GLIS3: variants seen among roughly 807,000 people sequenced by gnomAD.
GLIS3 encodes zinc finger protein GLIS3.
GLIS3 carries 53 observed loss-of-function variants against 78.6 expected under a neutral mutation model. The observed-to-expected ratio is 0.67, with a 90% CI of 0.54 to 0.85. The LOEUF is 0.85. Among genes scored for constraint, GLIS3 ranks in the 40% least tolerant of loss-of-function variants. GLIS3 has a pLI of 0.00. For missense variants in GLIS3, 1,703 were observed against 1,231.1 expected (o/e 1.38, Z -5.74); for synonymous variants, 684 against 509.9 (o/e 1.34, Z -4.60).
chr9:3,874,264 A>C (rs10758512), intron 8 of GLIS3, among the ~76,000 whole-genome samples: 148,725 of 152,292 alleles, frequency 0.98, 72,721 homozygotes, highest in East Asian at 1. Context: ...CTATGTAATG[A>C]AGTCTCCATA....
chr9:4,280,936 C>A (rs1260859531), intron 2 of GLIS3, among the ~76,000 whole-genome samples: 1 of 152,118 alleles, frequency 6.6e-6, no homozygotes, highest in Admixed American at 6.5e-5. Flanking sequence ...ACAAAAGTTC[C>A]CAACTGTTCT....
chr9:3,835,010 G>A (rs1818267334), intron 9 of GLIS3, among the ~76,000 whole-genome samples: 1 of 152,206 alleles, frequency 6.6e-6, no homozygotes, highest in Non-Finnish European at 1.5e-5. Flanking sequence ...TATGATGGTG[G>A]AGTGTCAACA....
chr9:4,030,018 C>T (rs1187775545), intron 4 of GLIS3, among the ~76,000 whole-genome samples: 1 of 152,124 alleles, frequency 6.6e-6, no homozygotes, highest in Non-Finnish European at 1.5e-5. Context: ...TGAGGAATCT[C>T]CAAACTGTTC....
chr9:4,213,998 A>T (rs970588613), intron 2 of GLIS3, among the ~76,000 whole-genome samples: 6 of 151,836 alleles, frequency 4.0e-5, no homozygotes, highest in African/African-American at 1.5e-4. Flanking sequence ...ACAGGTTATT[A>T]AAAAAAATAA....
intron 2 of GLIS3, among the ~76,000 whole-genome samples, chr9:4,345,616 C>T (rs1293363474): frequency 2.0e-5 from 3 of 152,188 alleles, no homozygotes; most frequent in Non-Finnish European, 2.9e-5. Context: ...CCTCTTTCCC[C>T]CATCCTTAAA....
intron 4 of GLIS3, among the ~76,000 whole-genome samples, chr9:4,031,858 T>A (rs1404452211): frequency 1.3e-5 from 2 of 152,342 alleles, no homozygotes; most frequent in Middle Eastern, 3.4e-3. Flanking sequence ...TCTTTTTAAA[T>A]CCTCTTCTTT....
intron 1 of GLIS3, among the ~76,000 whole-genome samples, chr9:4,347,543 C>T (rs1171832128): frequency 6.6e-6 from 1 of 152,154 alleles, no homozygotes; most frequent in African/African-American, 2.4e-5. Flanking sequence ...AAGTGGAGCT[C>T]AGGAATCTAC....
At chr9:4,054,781 G>C (rs561589042) in intron 4 of GLIS3, among the ~76,000 whole-genome samples, 68 of 152,196 alleles carry the variant, frequency 4.5e-4, no homozygotes, top group African/African-American at 1.3e-3. Flanking sequence ...CTCTCTGTGT[G>C]TGTATGTGTG....
In GLIS3 at chr9:3,829,402, G is replaced by T; in HGVS notation, c.2564C>A (p.Pro855His). 1 of 1,614,130 alleles carries T rather than the reference G, an allele frequency of 6.2e-7. No individual in the cohort carries two copies. Among genetic ancestry groups the T allele is most frequent in the Non-Finnish European group, 8.5e-7 (1 of 1,180,004 alleles). ...VPPVSSCSVV[P>H]SFEDCLVPTS... ...AGGGACTAGGCAGTCCTCAAACGAAGGCACCACACTGCAGGAGCTGACAGG... is the reference window on the plus strand; with the variant it reads ...AGGGACTAGGCAGTCCTCAAACGAATGCACCACACTGCAGGAGCTGACAGG... Residue 855 changes from proline (P) to histidine (H), a missense_variant, in exon 10 of 11, where the codon CCT (proline) becomes CAT (histidine). Pro to His is a moderately conservative substitution (Grantham distance 77). Coordinates refer to ENST00000381971, the MANE Select transcript of GLIS3 (RefSeq NM_001042413.2).
intron 7 of GLIS3, among the ~76,000 whole-genome samples, chr9:3,895,260 T>C (rs1041856662): frequency 2.6e-5 from 4 of 152,246 alleles, no homozygotes; most frequent in African/African-American, 7.2e-5. Context: ...CCTCTTAGAC[T>C]ATCAGATAAA....
intron 2 of GLIS3, among the ~76,000 whole-genome samples, chr9:4,283,617 T>C (rs932075619): frequency 6.6e-6 from 1 of 152,186 alleles, no homozygotes; most frequent in African/African-American, 2.4e-5. Context: ...ATCCAACTCC[T>C]TGAGGGAAAG....
intron 4 of GLIS3, among the ~76,000 whole-genome samples, chr9:4,055,639 G>A (rs965580937): frequency 4.6e-5 from 7 of 152,204 alleles, no homozygotes; most frequent in African/African-American, 1.4e-4. Flanking sequence ...CATGTTCAAA[G>A]CCCCGCAGAG....
the GLIS3 span, among the ~76,000 whole-genome samples, chr9:4,382,490 C>T: frequency 6.6e-6 from 1 of 152,302 alleles, no homozygotes; most frequent in South Asian, 2.1e-4. Context: ...TCTCTGATTA[C>T]CTCACACAAA....
At chr9:4,266,459 G>C (rs191585820) in intron 2 of GLIS3, among the ~76,000 whole-genome samples, 2 of 152,192 alleles carry the variant, frequency 1.3e-5, no homozygotes, top group African/African-American at 2.4e-5. Context: ...AGATGCAATA[G>C]TGACTTTGTT....
At chr9:4,333,610 T>C (rs1817714761) in intron 2 of GLIS3, among the ~76,000 whole-genome samples, 1 of 152,044 alleles carries the variant, frequency 6.6e-6, no homozygotes, top group Admixed American at 6.5e-5. Flanking sequence ...ACCTATTCAA[T>C]TTGTTTTAAC....
chr9:4,322,738 G>A (rs1428370538), intron 2 of GLIS3, among the ~76,000 whole-genome samples: 1 of 152,104 alleles, frequency 6.6e-6, no homozygotes, highest in African/African-American at 2.4e-5. Flanking sequence ...CTTATACTTT[G>A]CCCACTTTTT....
At chr9:4,109,681 C>T (rs1055110402) in intron 4 of GLIS3, among the ~76,000 whole-genome samples, 1 of 152,174 alleles carries the variant, frequency 6.6e-6, no homozygotes, top group Non-Finnish European at 1.5e-5. Flanking sequence ...TTTATATTAA[C>T]TAGGTTTCCA....
At chr9:4,005,612 C>T (rs1216615961) in intron 4 of GLIS3, among the ~76,000 whole-genome samples, 2 of 152,100 alleles carry the variant, frequency 1.3e-5, no homozygotes, top group African/African-American at 4.8e-5. Context: ...GTTGAAAGGA[C>T]CAAATTAATT....
chr9:3,920,963 GA>G (rs1184859807), intron 6 of GLIS3, among the ~76,000 whole-genome samples: 1 of 152,062 alleles, frequency 6.6e-6, no homozygotes, highest in Non-Finnish European at 1.5e-5. Flanking sequence ...TTAGAGATTT[GA>G]AATGAGGAAA....
Sources: allele counts gnomAD v4.1 joint callset (sites outside exome capture counted in the v4.1 genomes callset), GRCh38; gene constraint gnomAD v4.1.1; transcripts MANE v1.5; gene names NCBI Gene and HGNC (gene_info 2026-07-23, HGNC 2026-07-21).